CCDC149: variants seen among roughly 807,000 people sequenced by gnomAD.
CCDC149 encodes coiled-coil domain containing 149.
CCDC149 carries 45 observed loss-of-function variants against 59.9 expected under a neutral mutation model. The observed-to-expected ratio is 0.75, with a 90% CI of 0.59 to 0.96. The LOEUF is 0.96. Ranked by LOEUF, CCDC149 falls within the 40% of genes least tolerant of loss-of-function variation. CCDC149 has a pLI of 0.00. For missense variants in CCDC149, 584 were observed against 664.7 expected (o/e 0.88, Z 1.33); for synonymous variants, 245 against 260.6 (o/e 0.94, Z 0.58).
chr4:24,844,437 T>C (rs1275844485), intron 4 of CCDC149, among the ~76,000 whole-genome samples: 1 of 152,154 alleles, frequency 6.6e-6, no homozygotes, highest in Non-Finnish European at 1.5e-5. Context: ...GGCCAAAAGC[T>C]TCAGGTTGAG....
chr4:24,817,822 T>C (rs1715113523), intron 12 of CCDC149, among the ~76,000 whole-genome samples: 1 of 152,122 alleles, frequency 6.6e-6, no homozygotes, highest in Non-Finnish European at 1.5e-5. Flanking sequence ...TGTTACCCAA[T>C]AATAGCTAAC....
chr4:24,853,037 C>T lies in CCDC149; in HGVS notation c.372+35G>A, dbSNP rs148385416. 8 of 1,338,450 alleles carry T rather than the reference C, an allele frequency of 6.0e-6. No individual in the cohort carries two copies. The African/African-American group carries it at 8.7e-5, about 15-fold the overall frequency. 82.9% of individuals were successfully genotyped at this position (1,338,450 alleles called of 1,614,324 possible). ...TATAAACCTCGAACGCACAATGTTG[C>T]AGCAGAGCTTCTTCCCTGTAAATAC... is the stretch of plus-strand genomic sequence containing the variant. On this transcript the variant is annotated intron_variant, in intron 4 of 12. Coordinates refer to ENST00000635206, the MANE Select transcript of CCDC149 (RefSeq NM_001330643.2).
intron 1 of CCDC149, among the ~76,000 whole-genome samples, chr4:24,905,410 CGTGCGTGTGTGTGT>C (rs1473106336): frequency 0.046 from 4,353 of 93,796 alleles, 248 homozygotes; most frequent in African/African-American, 0.13. Flanking sequence ...TTTTTGCGTG[CGTGCGTGTGTGTGT>C]GTGTGTGTGT....
intron 1 of CCDC149, among the ~76,000 whole-genome samples, chr4:24,947,345 T>G (rs1015768616): frequency 6.6e-6 from 1 of 152,224 alleles, no homozygotes; most frequent in Non-Finnish European, 1.5e-5. Flanking sequence ...TTCCTCTTTT[T>G]GCTTGCTGCC....
intron 4 of CCDC149, among the ~76,000 whole-genome samples, chr4:24,843,857 T>C (rs55968809): frequency 0.12 from 17,746 of 152,094 alleles, 1,277 homozygotes; most frequent in African/African-American, 0.21. Flanking sequence ...GACCTGCTCC[T>C]ACCTGCCTCC....
At chr4:24,822,397 A>G (rs1715464491) in intron 10 of CCDC149, 100 bp downstream of exon 10, 1 of 677,928 alleles carries the variant, frequency 1.5e-6, no homozygotes, top group Non-Finnish European at 2.4e-6. Context: ...ATAAAAGGAC[A>G]TTAAAGAGGT....
chr4:24,880,713 C>T (rs1262524511), intron 1 of CCDC149, among the ~76,000 whole-genome samples: 1 of 152,136 alleles, frequency 6.6e-6, no homozygotes, highest in Non-Finnish European at 1.5e-5. Flanking sequence ...GAATGGAAAA[C>T]CAGACAAGCT....
At chr4:24,875,889 T>A (rs1312309051) in intron 2 of CCDC149, among the ~76,000 whole-genome samples, 1 of 152,180 alleles carries the variant, frequency 6.6e-6, no homozygotes, top group Non-Finnish European at 1.5e-5. Flanking sequence ...CATACAGTAG[T>A]CCCCACCTGT....
Position 24,808,095 on chromosome 4 carries a change from G to C in CCDC149, c.*294C>G, listed in dbSNP as rs1178256932. The C allele has an allele frequency of 3.7e-6, 1 of 269,002 alleles. No homozygotes were observed. The highest frequency in any genetic ancestry group is 6.9e-6 in the Non-Finnish European group (1 of 144,580). 16.7% of individuals were successfully genotyped at this position (269,002 alleles called of 1,614,324 possible). On this transcript the variant is annotated 3_prime_UTR_variant, in exon 13 of 13. Transcript: ENST00000635206. ...TAAAACAAAAGCTGACAGAAAGACGGATGCTGAAAACCAGCCATATGGTGG... is the reference window on the plus strand; with the variant it reads ...TAAAACAAAAGCTGACAGAAAGACGCATGCTGAAAACCAGCCATATGGTGG...
At chr4:24,850,470 G>A (rs547958677) in intron 4 of CCDC149, among the ~76,000 whole-genome samples, 34 of 152,274 alleles carry the variant, frequency 2.2e-4, no homozygotes, top group African/African-American at 7.5e-4. Context: ...GAAGTAAAGG[G>A]GAAGAGTATT....
chr4:24,880,906 G>A (rs1719801749), intron 1 of CCDC149, among the ~76,000 whole-genome samples: 1 of 152,154 alleles, frequency 6.6e-6, no homozygotes, highest in African/African-American at 2.4e-5. Flanking sequence ...GGTTCCCAGG[G>A]CACTCACCAC....
intron 1 of CCDC149, among the ~76,000 whole-genome samples, chr4:24,931,852 T>TATATATATATATATATATATATA (rs1722602422): frequency 7.2e-6 from 1 of 139,582 alleles, no homozygotes; most frequent in Non-Finnish European, 1.5e-5. Flanking sequence ...TATATATATA[T>TATATATATATATATATATATATA]GCATAATCCA....
At chr4:24,828,328 T>C (rs1275803937) in intron 9 of CCDC149, 1 of 151,492 alleles carries the variant, frequency 6.6e-6, no homozygotes, top group Non-Finnish European at 1.5e-5. Flanking sequence ...TATGTGTATA[T>C]ACATAAATAT....
chr4:24,979,051 G>A (rs907231869), intron 1 of CCDC149, among the ~76,000 whole-genome samples: 1 of 152,196 alleles, frequency 6.6e-6, no homozygotes, highest in African/African-American at 2.4e-5. Context: ...AGAGAGCAGG[G>A]AAGTGAGACA....
At chr4:24,903,681 G>T (rs981935723) in intron 1 of CCDC149, among the ~76,000 whole-genome samples, 1 of 152,026 alleles carries the variant, frequency 6.6e-6, no homozygotes, top group African/African-American at 2.4e-5. Context: ...TCACAATCGA[G>T]ACATAGAATA....
chr4:24,912,526 C>T (rs1721933988), intron 1 of CCDC149, among the ~76,000 whole-genome samples: 1 of 152,100 alleles, frequency 6.6e-6, no homozygotes, highest in South Asian at 2.1e-4. Context: ...ACCTTCTGCT[C>T]CCGGATCCCA....
chr4:24,835,022 T>G lies in CCDC149; in HGVS notation c.746A>C (p.Glu249Ala). The G allele has an allele frequency of 1.2e-6, 2 of 1,613,294 alleles. No homozygotes were observed. The highest frequency in any genetic ancestry group is 1.7e-6 in the Non-Finnish European group (2 of 1,179,348). ...CTGGCCCTTCGAGTTTTTCCGTCTC[T>G]CCAGAGCATTCTAAAACAGGATTGG... Residue 249 changes from glutamate to alanine, a missense_variant, in exon 8 of 13, where the codon GAG becomes GCG. Physicochemically the swap from Glu to Ala is moderately radical, Grantham distance 107. Coordinates refer to ENST00000635206, the MANE Select transcript of CCDC149 (RefSeq NM_001330643.2).
chr4:24,965,851 C>T (rs1723779535), intron 1 of CCDC149, among the ~76,000 whole-genome samples: 1 of 152,222 alleles, frequency 6.6e-6, no homozygotes, highest in South Asian at 2.1e-4. Context: ...GTTTGGAGTG[C>T]AGGCGCAAAA....
intron 1 of CCDC149, 43 bp from the exon 2 acceptor site, chr4:24,876,740 T>A (rs747192497): frequency 6.4e-7 from 1 of 1,557,748 alleles, no homozygotes; most frequent in Non-Finnish European, 8.7e-7. Flanking sequence ...AAAACATCCA[T>A]GGGCCTCCAT....
Sources: allele counts gnomAD v4.1 joint callset (sites outside exome capture counted in the v4.1 genomes callset), GRCh38; gene constraint gnomAD v4.1.1; transcripts MANE v1.5; gene names NCBI Gene and HGNC (gene_info 2026-07-23, HGNC 2026-07-21).